Variants in GNB4 observed in about 807,000 individuals in gnomAD.
GNB4 encodes G protein subunit beta 4.
In GNB4, 28 loss-of-function variants were observed where a neutral mutation model predicts 45.2. The observed-to-expected ratio is 0.62, with a 90% CI of 0.46 to 0.85. The LOEUF (loss-of-function observed/expected upper bound fraction) is 0.85, where lower values mean the gene tolerates loss of function less well. Among genes scored for constraint, GNB4 ranks in the 40% least tolerant of loss-of-function variants. The pLI, the probability that GNB4 is intolerant of heterozygous loss-of-function variation, is 0.00. For missense variants in GNB4, 321 were observed against 425.4 expected (o/e 0.75, Z 2.16); for synonymous variants, 132 against 143.7 (o/e 0.92, Z 0.58).
In GNB4 at chr3:179,398,179, CCTT is replaced by C. The variant is rs2108571769; in HGVS notation, c.*3031_*3033del. ...ACATGCTACAGAGTCAACAAATTAACCTTCTCAGGCACATTATGTTTAAATGTT... is the reference window on the plus strand; with the variant it reads ...ACATGCTACAGAGTCAACAAATTAACCTCAGGCACATTATGTTTAAATGTT... On this transcript the variant is annotated 3_prime_UTR_variant, in exon 10 of 10. Transcript: ENST00000232564. 1 of 152,188 alleles carries C rather than the reference CCTT, an allele frequency of 6.6e-6. No individual in the cohort carries two copies. Among genetic ancestry groups the C allele is most frequent in the South Asian group, 2.1e-4 (1 of 4,816 alleles). 9.4% of individuals were successfully genotyped at this position (152,188 alleles called of 1,614,324 possible).
the GNB4 span, among the ~76,000 whole-genome samples, chr3:179,515,473 G>A: frequency 3.3e-5 from 5 of 152,170 alleles, no homozygotes; most frequent in Non-Finnish European, 2.9e-5. Flanking sequence ...TACAGTCAAA[G>A]GGGGTTATTC....
chr3:179,441,927 C>G (rs891685032), intron 1 of GNB4, among the ~76,000 whole-genome samples: 1 of 151,932 alleles, frequency 6.6e-6, no homozygotes, highest in Non-Finnish European at 1.5e-5. Flanking sequence ...CCTGCCTCAG[C>G]CTTCCGAGTA....
At chr3:179,409,102 G>A (rs1056159174) in intron 8 of GNB4, among the ~76,000 whole-genome samples, 33 of 147,262 alleles carry the variant, frequency 2.2e-4, no homozygotes, top group Non-Finnish European at 4.0e-4. Flanking sequence ...CTGCACTCCA[G>A]CCTGGGTGAC....
the GNB4 span, among the ~76,000 whole-genome samples, chr3:179,504,601 T>A: frequency 1.3e-5 from 2 of 152,190 alleles, no homozygotes; most frequent in Non-Finnish European, 1.5e-5. Context: ...GCTTGCCATA[T>A]CTCTGCAGGT....
intron 6 of GNB4, among the ~76,000 whole-genome samples, chr3:179,414,029 T>C (rs934715531): frequency 4.6e-5 from 7 of 152,064 alleles, no homozygotes; most frequent in African/African-American, 1.2e-4. Context: ...AGTTACCAAA[T>C]TGAATAAGAC....
the GNB4 span, among the ~76,000 whole-genome samples, chr3:179,469,580 T>A: frequency 2.0e-5 from 3 of 152,296 alleles, no homozygotes; most frequent in Non-Finnish European, 2.9e-5. Context: ...AAGTTCAGTA[T>A]ACAAATGTTA....
the GNB4 span, among the ~76,000 whole-genome samples, chr3:179,475,857 C>CCCT: frequency 6.6e-6 from 1 of 151,530 alleles, no homozygotes; most frequent in East Asian, 1.9e-4. Context: ...GAGGGCAGAG[C>CCCT]CCTCATGGCC....
At chr3:179,502,236 T>C in the GNB4 span, among the ~76,000 whole-genome samples, 29 of 141,592 alleles carry the variant, frequency 2.0e-4, no homozygotes, top group Non-Finnish European at 3.1e-4. Context: ...TTCTTTTTTT[T>C]TTTTTTTTTT....
chr3:179,474,952 T>G, the GNB4 span, among the ~76,000 whole-genome samples: 2 of 151,574 alleles, frequency 1.3e-5, no homozygotes, highest in African/African-American at 4.9e-5. Flanking sequence ...AAAAATCGAT[T>G]CCTTATCATT....
At chr3:179,509,848 C>T in the GNB4 span, among the ~76,000 whole-genome samples, 9 of 152,228 alleles carry the variant, frequency 5.9e-5, no homozygotes, top group Non-Finnish European at 7.4e-5. Flanking sequence ...GACAGGGCCT[C>T]GCTCTGTCAG....
At chr3:179,447,366 A>AC (rs1715760786) in intron 1 of GNB4, among the ~76,000 whole-genome samples, 1 of 147,996 alleles carries the variant, frequency 6.8e-6, no homozygotes, top group African/African-American at 2.5e-5. Flanking sequence ...AAAAAAAAAA[A>AC]TCCTGATTTT....
chr3:179,487,588 C>A, the GNB4 span, among the ~76,000 whole-genome samples: 1 of 152,148 alleles, frequency 6.6e-6, no homozygotes, highest in African/African-American at 2.4e-5. Context: ...CAATAAGATA[C>A]GAAATTATAA....
At chr3:179,404,706 CTG>C (rs1289920317) in intron 9 of GNB4, among the ~76,000 whole-genome samples, 4 of 152,248 alleles carry the variant, frequency 2.6e-5, no homozygotes, top group African/African-American at 9.6e-5. Flanking sequence ...AAAAATTACT[CTG>C]TATGACTTGT....
chr3:179,489,710 T>G, the GNB4 span, among the ~76,000 whole-genome samples: 2 of 152,206 alleles, frequency 1.3e-5, no homozygotes, highest in Non-Finnish European at 2.9e-5. Flanking sequence ...TTCCTGATAC[T>G]AAATTCTAAA....
At chr3:179,519,316 T>G in the GNB4 span, among the ~76,000 whole-genome samples, 1 of 152,206 alleles carries the variant, frequency 6.6e-6, no homozygotes, top group African/African-American at 2.4e-5. Context: ...CAGATCTTCT[T>G]GGTTTAGCGG....
At chr3:179,525,650 G>A in the GNB4 span, among the ~76,000 whole-genome samples, 1 of 152,192 alleles carries the variant, frequency 6.6e-6, no homozygotes, top group Non-Finnish European at 1.5e-5. Flanking sequence ...TAAACACCAA[G>A]GGAAGACTGT....
At chr3:179,401,878 T>G (rs1163223400) in intron 9 of GNB4, among the ~76,000 whole-genome samples, 3 of 152,208 alleles carry the variant, frequency 2.0e-5, no homozygotes, top group Non-Finnish European at 4.4e-5. Context: ...ACCATGAAAC[T>G]CATCTAGTTT....
chr3:179,522,661 G>T, the GNB4 span, among the ~76,000 whole-genome samples: 6 of 152,136 alleles, frequency 3.9e-5, no homozygotes, highest in Admixed American at 1.3e-4. Flanking sequence ...GGTGAGTGGC[G>T]ATTAGGCCTG....
At chr3:179,467,961 C>T in the GNB4 span, among the ~76,000 whole-genome samples, 1 of 148,404 alleles carries the variant, frequency 6.7e-6, no homozygotes, top group African/African-American at 2.5e-5. Flanking sequence ...GAAGGACCCA[C>T]CCAAATGTAT....
Sources: allele counts gnomAD v4.1 joint callset (sites outside exome capture counted in the v4.1 genomes callset), GRCh38; gene constraint gnomAD v4.1.1; transcripts MANE v1.5; gene names NCBI Gene and HGNC (gene_info 2026-07-23, HGNC 2026-07-21).